The following LGALS12 variants were observed in gnomAD, a reference collection of about 807,000 sequenced individuals.
LGALS12 encodes the protein galectin 12.
Under a neutral mutation model 36.8 loss-of-function variants are expected in LGALS12, and 36 were observed. The observed-to-expected ratio is 0.98, with a 90% confidence interval of 0.75 to 1.29. The LOEUF (loss-of-function observed/expected upper bound fraction) is 1.29, where lower values mean the gene tolerates loss of function less well. Among genes scored for constraint, LGALS12 ranks in the 50% most tolerant of loss-of-function variants. LGALS12 has a pLI of 0.00. For synonymous variants in LGALS12, 145 were observed against 155.9 expected (o/e 0.93, Z 0.52); for missense variants, 366 against 394.3 (o/e 0.93, Z 0.61).
intron 2 of LGALS12, 53 bp downstream of exon 2, chr11:63,508,694 C>G (rs2016819560): frequency 1.2e-6 from 2 of 1,613,328 alleles, no homozygotes; most frequent in Non-Finnish European, 1.7e-6. Flanking sequence ...CTAGAGGCAT[C>G]GAGCTGGAGG....
chr11:63,508,360 G>A (rs913746782), intron 1 of LGALS12, 193 bp from the exon 2 acceptor site: 16 of 1,430,214 alleles, frequency 1.1e-5, no homozygotes, highest in African/African-American at 7.2e-5. Flanking sequence ...CAGCTTTGCC[G>A]TGTGACGGTC....
intron 3 of LGALS12, 23 bp downstream of exon 3, chr11:63,509,014 G>A (rs1269554934): frequency 8.2e-6 from 13 of 1,590,364 alleles, no homozygotes; most frequent in Non-Finnish European, 1.0e-5. Flanking sequence ...ACGGGCATTG[G>A]GTGGTCTAGA....
intron 5 of LGALS12, 23 bp from the exon 6 acceptor site, chr11:63,511,056 T>C: frequency 6.2e-7 from 1 of 1,612,718 alleles, no homozygotes; most frequent in East Asian, 2.2e-5. Flanking sequence ...TGGCCTTGTG[T>C]CCTCTCTTTC....
chr11:63,510,625 C>A, intron 5 of LGALS12, 124 bp downstream of exon 5: 1 of 878,106 alleles, frequency 1.1e-6, no homozygotes, highest in Non-Finnish European at 1.8e-6. Context: ...ACGGACATGG[C>A]TGGCTCTGCT....
intron 4 of LGALS12, among the ~76,000 whole-genome samples, 170 bp from the exon 5 acceptor site, chr11:63,510,293 G>T (rs1020423550): frequency 2.6e-5 from 4 of 152,182 alleles, no homozygotes; most frequent in African/African-American, 9.7e-5. Context: ...TAAGTCCAAG[G>T]TGGGGCCTAG....
intron 5 of LGALS12, 129 bp from the exon 6 acceptor site, chr11:63,510,950 C>G: frequency 1.4e-5 from 12 of 871,618 alleles, no homozygotes. Flanking sequence ...CACTGGGGCT[C>G]CAATGACTCA....
chr11:63,513,921 A>T (rs911913370), intron 7 of LGALS12, among the ~76,000 whole-genome samples: 5 of 152,138 alleles, frequency 3.3e-5, no homozygotes, highest in African/African-American at 1.2e-4. Context: ...AGCTGCATGA[A>T]GGTGAGGTAG....
In LGALS12 at chr11:63,508,734, G is replaced by T. The variant is rs75966907; in HGVS notation, c.159-44G>T. 4,077 of 1,613,674 alleles carry T rather than the reference G, an allele frequency of 2.5e-3. 95 individuals are homozygous for T. In the African/African-American group the frequency reaches 0.049, roughly 19 times the overall value. ...CTCCCTGCCACTGAGATCTCTGTGG[G>T]TCTCTGGTCAGAACCGCACTTTGAG... On this transcript the variant is annotated intron_variant, in intron 2 of 8. Transcript: ENST00000394618.
In LGALS12 at chr11:63,515,572, G is replaced by A. The variant is rs1042633467; in HGVS notation, c.657G>A (p.Val219=). 5 of 1,614,104 alleles carry A rather than the reference G, an allele frequency of 3.1e-6. No homozygotes were observed. In the African/African-American group the frequency reaches 5.3e-5, roughly 17 times the overall value. Reference sequence around the variant, plus strand: ...CTCCTGCTTCCTGCAGTTTTACTGTGAGCCTGAGGGACCAGGCTGCCCATG... The same window carrying A: ...CTCCTGCTTCCTGCAGTTTTACTGTAAGCCTGAGGGACCAGGCTGCCCATG... The part of the protein sequence containing the change: ...LVLQEPKHFT[V]SLRDQAAHAP... The change falls in exon 8 of 9, where the codon GTG becomes GTA. Residue 219 remains valine, a synonymous_variant. Transcript: ENST00000394618.
In LGALS12 at chr11:63,506,420, C is replaced by T; in HGVS notation, c.-39C>T. ...GAGTCAGCCCAGTGGGGGCAGGGCT[C>T]CTGGAACGAGGATCTACAGTTGGAG... On this transcript the variant is annotated 5_prime_UTR_variant, in exon 1 of 9. Coordinates refer to ENST00000394618, the MANE Select transcript of LGALS12 (RefSeq NM_033101.4). The T allele has an allele frequency of 1.2e-6, 2 of 1,614,200 alleles. No homozygotes were observed. Among genetic ancestry groups the T allele is most frequent in the Non-Finnish European group, 1.7e-6 (2 of 1,180,028 alleles).
intron 7 of LGALS12, among the ~76,000 whole-genome samples, chr11:63,514,512 A>T (rs187919688): frequency 7.7e-4 from 118 of 152,296 alleles, no homozygotes; most frequent in Non-Finnish European, 1.6e-4. Flanking sequence ...AAGAGGTTGC[A>T]GTGAGCCGAG....
intron 5 of LGALS12, 38 bp downstream of exon 5, chr11:63,510,539 A>G: frequency 6.2e-7 from 1 of 1,607,642 alleles, no homozygotes; most frequent in Non-Finnish European, 8.5e-7. Context: ...CAGCCACACC[A>G]GCTGACCCGC....
At chr11:63,516,148 T>C in intron 8 of LGALS12, 99 bp from the exon 9 acceptor site, 3 of 1,446,256 alleles carry the variant, frequency 2.1e-6, no homozygotes, top group Non-Finnish European at 2.8e-6. Flanking sequence ...CCAGTCTTCG[T>C]GTCCTATGAG....
intron 7 of LGALS12, among the ~76,000 whole-genome samples, chr11:63,514,337 C>T (rs563933144): frequency 6.6e-6 from 1 of 152,142 alleles, no homozygotes; most frequent in African/African-American, 2.4e-5. Context: ...TTTGGGAGGC[C>T]AAGGTGGGCA....
chr11:63,509,032 T>C, intron 3 of LGALS12, 41 bp downstream of exon 3: 1 of 1,506,580 alleles, frequency 6.6e-7, no homozygotes, highest in African/African-American at 1.4e-5. Context: ...AGAATTTGTG[T>C]CCTTGCGCCC....
At chr11:63,514,638 TC>T (rs2134335255) in intron 7 of LGALS12, among the ~76,000 whole-genome samples, 1 of 151,638 alleles carries the variant, frequency 6.6e-6, no homozygotes, top group African/African-American at 2.4e-5. Flanking sequence ...AGGTGCCAGA[TC>T]CCCCCACCCC....
chr11:63,510,030 G>T, intron 4 of LGALS12, 133 bp downstream of exon 4: 1 of 1,118,854 alleles, frequency 8.9e-7, no homozygotes. Context: ...ATAGCCAAGG[G>T]GGAGGGAGTC....
At chr11:63,510,131 A>G (rs992401339) in intron 4 of LGALS12, among the ~76,000 whole-genome samples, 4 of 152,184 alleles carry the variant, frequency 2.6e-5, no homozygotes, top group African/African-American at 4.8e-5. Flanking sequence ...GTCTGTAACC[A>G]GTGTGGGTCT....
chr11:63,514,873 C>CT (rs370751949), intron 7 of LGALS12, among the ~76,000 whole-genome samples: 2,371 of 144,098 alleles, frequency 0.016, 26 homozygotes, highest in Non-Finnish European at 0.021. Flanking sequence ...TCCTTTGTTC[C>CT]TTTTTTTTTT....
Sources: gnomAD v4.1 joint callset for allele counts (sites outside exome capture counted in the v4.1 genomes callset) on GRCh38, gnomAD v4.1.1 for gene constraint, MANE v1.5 for transcripts, NCBI Gene and HGNC (gene_info 2026-07-23, HGNC 2026-07-21) for gene names.